PPP1R2: variants seen among roughly 807,000 people sequenced by gnomAD.
The protein encoded by PPP1R2 is protein phosphatase inhibitor 2.
A neutral mutation model predicts 29.9 loss-of-function variants in PPP1R2; 16 were observed. That is an observed-to-expected ratio of 0.53 (90% CI 0.36 to 0.81). PPP1R2 has a LOEUF of 0.81. Among genes scored for constraint, PPP1R2 ranks in the 30% least tolerant of loss-of-function variants. The probability of loss-of-function intolerance (pLI) is 0.00; values close to 1 mark genes in which losing one functional copy is unlikely to be tolerated. For synonymous variants in PPP1R2, 76 were observed against 91.5 expected (o/e 0.83, Z 0.96); for missense variants, 197 against 252.7 (o/e 0.78, Z 1.49).
chr3:195,525,969 T>C (rs1032327636), intron 2 of PPP1R2, among the ~76,000 whole-genome samples: 8 of 152,210 alleles, frequency 5.3e-5, no homozygotes, highest in Admixed American at 2.6e-4. Flanking sequence ...TAGAAAATTC[T>C]AGTTGTAAAA....
intron 1 of PPP1R2, among the ~76,000 whole-genome samples, chr3:195,531,665 T>G (rs923783890): frequency 3.9e-5 from 6 of 152,248 alleles, no homozygotes; most frequent in Non-Finnish European, 5.9e-5. Context: ...TTTAACCTTT[T>G]TGTTTTTTGG....
At chr3:195,530,587 G>A (rs559744272) in intron 1 of PPP1R2, among the ~76,000 whole-genome samples, 90 of 151,724 alleles carry the variant, frequency 5.9e-4, no homozygotes, top group Non-Finnish European at 1.1e-3. Context: ...GTACAGTGGC[G>A]CCATCTCGGC....
At chr3:195,532,981 A>G (rs1261800046) in intron 1 of PPP1R2, among the ~76,000 whole-genome samples, 1 of 152,222 alleles carries the variant, frequency 6.6e-6, no homozygotes, top group African/African-American at 2.4e-5. Context: ...TAACTACAGT[A>G]CATACTATTC....
chr3:195,527,854 A>G, intron 2 of PPP1R2: 1 of 364,372 alleles, frequency 2.7e-6, no homozygotes, highest in Non-Finnish European at 5.2e-6. Flanking sequence ...TGGGCAACAT[A>G]GCCAGATCTT....
rs889565396 is a variant in PPP1R2 at position 195,516,739 on chromosome 3, T to C, written c.*157A>G. On this transcript the variant is annotated 3_prime_UTR_variant, in exon 6 of 6. Coordinates refer to ENST00000618156, the MANE Select transcript of PPP1R2 (RefSeq NM_006241.8). ...ATATATCGATTAGGCATTTTCAGTC[T>C]AATCAGTCTCTAAGTTTATCATTTA... 22 of 627,432 alleles carry C rather than the reference T, an allele frequency of 3.5e-5. No individual in the cohort carries two copies. The highest frequency in any genetic ancestry group is 5.5e-5 in the Non-Finnish European group (20 of 360,538). The allele number at this position is 627,432 out of a possible 1,614,324, so 38.9% of individuals were successfully genotyped here. A position where few individuals can be genotyped will look rare whatever the true frequency, so the allele number is the denominator to read the frequency against.
At position 195,519,131 on chromosome 3, in the gene PPP1R2, T is replaced by C. The variant is rs142993681; in HGVS notation, c.458A>G (p.Asn153Ser). 3,050 of 1,612,218 alleles carry C rather than the reference T, an allele frequency of 1.9e-3. 8 individuals are homozygous for C. Among genetic ancestry groups the C allele is most frequent in the Non-Finnish European group, 2.2e-3 (2,548 of 1,179,392 alleles). The part of the protein sequence containing the change: ...KRKLHYNEGL[N>S]IKLARQLISK... The stretch of plus-strand genomic sequence containing the variant: ...AATTAATTGTCTGGCTAGTTTGATA[T>C]TGAGTCCTTCATTGTAGTGAAGCTT... The change falls in exon 5 of 6, where the codon AAT becomes AGT. Residue 153 changes from asparagine (N) to serine (S), a missense_variant. Around this residue, in one of 3 missense-constraint regions of PPP1R2, gnomAD observed 135 missense variants for 163.0 expected, o/e 0.83. Coordinates refer to ENST00000618156, the MANE Select transcript of PPP1R2 (RefSeq NM_006241.8).
rs1577557757 is a variant in PPP1R2, at chr3:195,514,979, C to G, written c.*1917G>C. On this transcript the variant is annotated 3_prime_UTR_variant, in exon 6 of 6. Coordinates refer to ENST00000618156, the MANE Select transcript of PPP1R2 (RefSeq NM_006241.8). ...AAGAATCAACTGTTTAAAGTCTTATCCTTTTCTTCACTCTATGACAGCTAC... is the reference window on the plus strand; with the variant it reads ...AAGAATCAACTGTTTAAAGTCTTATGCTTTTCTTCACTCTATGACAGCTAC... 1 of 199,266 alleles carries G rather than the reference C, an allele frequency of 5.0e-6. No homozygotes were observed. Among genetic ancestry groups the G allele is most frequent in the African/African-American group, 2.4e-5 (1 of 41,444 alleles). The allele number at this position is 199,266 out of a possible 1,614,324, so 12.3% of individuals were successfully genotyped here.
chr3:195,533,180 C>T (rs1270080577), intron 1 of PPP1R2, among the ~76,000 whole-genome samples: 1 of 152,070 alleles, frequency 6.6e-6, no homozygotes, highest in Non-Finnish European at 1.5e-5. Flanking sequence ...AACCCCGTCT[C>T]TACCAAAAAT....
chr3:195,534,911 C>T (rs541708005), intron 1 of PPP1R2, among the ~76,000 whole-genome samples: 2 of 152,140 alleles, frequency 1.3e-5, no homozygotes, highest in Non-Finnish European at 2.9e-5. Flanking sequence ...TCTTTGGCCA[C>T]CTATGAACCC....
chr3:195,522,894 C>G (rs147752967), intron 4 of PPP1R2, among the ~76,000 whole-genome samples: 1 of 152,222 alleles, frequency 6.6e-6, no homozygotes, highest in Non-Finnish European at 1.5e-5. Context: ...TTCCTTCTTC[C>G]TCTTTTTTGT....
chr3:195,524,703 T>A (rs1035298222), intron 3 of PPP1R2, 116 bp downstream of exon 3: 1 of 930,900 alleles, frequency 1.1e-6, no homozygotes, highest in Non-Finnish European at 1.7e-6. Flanking sequence ...GCATAAAACA[T>A]GTTGATCAAC....
chr3:195,530,689 C>A (rs1237070641), intron 1 of PPP1R2, among the ~76,000 whole-genome samples: 1 of 152,098 alleles, frequency 6.6e-6, no homozygotes, highest in Non-Finnish European at 1.5e-5. Flanking sequence ...CCACGCCCAG[C>A]TAATTTTTGT....
At chr3:195,521,314 C>CAAAAAAAAA (rs869228346) in intron 4 of PPP1R2, among the ~76,000 whole-genome samples, 2 of 56,652 alleles carry the variant, frequency 3.5e-5, no homozygotes, top group Non-Finnish European at 6.2e-5. Context: ...GACTCTGTCT[C>CAAAAAAAAA]AAAAAAAAAA....
chr3:195,525,638 G>A (rs1178239506), intron 2 of PPP1R2, among the ~76,000 whole-genome samples: 1 of 152,064 alleles, frequency 6.6e-6, no homozygotes, highest in Non-Finnish European at 1.5e-5. Flanking sequence ...AACAAAATTC[G>A]ATCCCAAAGA....
chr3:195,527,937 CT>C, intron 2 of PPP1R2: 1 of 334,710 alleles, frequency 3.0e-6, no homozygotes, highest in Non-Finnish European at 5.8e-6. Flanking sequence ...ATATAAACCT[CT>C]TTTTAGCATG....
intron 1 of PPP1R2, among the ~76,000 whole-genome samples, chr3:195,532,708 T>C (rs1249552298): frequency 6.6e-6 from 1 of 152,206 alleles, no homozygotes; most frequent in African/African-American, 2.4e-5. Context: ...CGGATTTTTT[T>C]TCAACAAATC....
At chr3:195,537,275 T>C (rs1214032344) in intron 1 of PPP1R2, among the ~76,000 whole-genome samples, 3 of 152,184 alleles carry the variant, frequency 2.0e-5, no homozygotes, top group Non-Finnish European at 4.4e-5. Context: ...TAAGTTTTCC[T>C]ATTTAAAATA....
At chr3:195,532,488 G>C (rs746412005) in intron 1 of PPP1R2, among the ~76,000 whole-genome samples, 1 of 152,078 alleles carries the variant, frequency 6.6e-6, no homozygotes, top group Non-Finnish European at 1.5e-5. Flanking sequence ...TAACAATACC[G>C]ATGTCTTCAG....
intron 2 of PPP1R2, among the ~76,000 whole-genome samples, chr3:195,525,988 A>T (rs992232075): frequency 3.9e-5 from 6 of 152,172 alleles, no homozygotes; most frequent in Non-Finnish European, 8.8e-5. Context: ...AATTTACTGA[A>T]TTATGTTTAT....
Sources: gnomAD v4.1 joint callset for allele counts (sites outside exome capture counted in the v4.1 genomes callset) on GRCh38, gnomAD v4.1.1 for gene constraint, gnomAD v4.1.1 regional missense constraint, MANE v1.5 for transcripts, NCBI Gene and HGNC (gene_info 2026-07-23, HGNC 2026-07-21) for gene names.